Variants in IRAG2 observed in about 807,000 individuals in gnomAD.
The protein encoded by IRAG2 is lymphoid restricted membrane protein.
IRAG2 carries 45 observed loss-of-function variants against 69.9 expected under a neutral mutation model. That is an observed-to-expected ratio of 0.64 (90% CI 0.51 to 0.83). The LOEUF (loss-of-function observed/expected upper bound fraction) is 0.83, where lower values mean the gene tolerates loss of function less well. Among genes scored for constraint, IRAG2 ranks in the 40% least tolerant of loss-of-function variants. The probability of loss-of-function intolerance (pLI) is 0.00; values close to 1 mark genes in which losing one functional copy is unlikely to be tolerated. For missense variants in IRAG2, 520 were observed against 587.0 expected (o/e 0.89, Z 1.18); for synonymous variants, 193 against 202.4 (o/e 0.95, Z 0.40).
upstream of IRAG2, among the ~76,000 whole-genome samples, chr12:25,050,532 AAAAC>A (rs371371938): frequency 9.3e-4 from 46 of 49,644 alleles, 1 homozygote; most frequent in African/African-American, 1.4e-3. Context: ...CGTCTCAAAA[AAAAC>A]AAACAAACAA....
exon 1 of IRAG2, chr12:25,004,640 C>T: frequency 8.1e-7 from 1 of 1,232,150 alleles, no homozygotes; most frequent in Non-Finnish European, 1.0e-6. Flanking sequence ...CCATCCACCT[C>T]TCACCTCAGC....
chr12:25,071,622 GT>G, intron 6 of IRAG2, among the ~76,000 whole-genome samples: 1 of 152,314 alleles, frequency 6.6e-6, no homozygotes, highest in South Asian at 2.1e-4. Context: ...GGCAACTGAA[GT>G]TGAGGGAGTT....
intron 17 of IRAG2, chr12:25,103,127 CTTAAA>C (rs1343146456): frequency 7.9e-5 from 12 of 152,148 alleles, no homozygotes; most frequent in Admixed American, 7.9e-4. Context: ...ATGGAACCCC[CTTAAA>C]TTAGTTTATT....
chr12:25,032,364 C>T lies in IRAG2; in HGVS notation c.1638C>T (p.Leu546=), dbSNP rs567303554. The T allele has an allele frequency of 6.1e-4, 243 of 399,082 alleles. 2 individuals are homozygous for T. The highest frequency in any genetic ancestry group is 1.4e-4 in the Non-Finnish European group (31 of 226,066). 24.7% of individuals were successfully genotyped at this position (399,082 alleles called of 1,614,324 possible). Residue 546 remains leucine, a synonymous_variant, in exon 12 of 39, where the codon CTC becomes CTT. Transcript: ENST00000636465. ...AGTTACAGCACTTGCAACAGGCACT[C>T]ATCACGTAAGTAGAGGGCAACCCTT...
At chr12:25,072,033 A>G (rs1426605178) in intron 6 of IRAG2, among the ~76,000 whole-genome samples, 1 of 151,856 alleles carries the variant, frequency 6.6e-6, no homozygotes, top group East Asian at 1.9e-4. Flanking sequence ...GTGAAACCCA[A>G]TTTCTACTAA....
chr12:25,013,533 G>C (rs995312644), intron 3 of IRAG2, among the ~76,000 whole-genome samples: 1 of 152,070 alleles, frequency 6.6e-6, no homozygotes, highest in African/African-American at 2.4e-5. Context: ...GTAACTTTAA[G>C]AAAGATAAGA....
At chr12:25,063,553 AC>A (rs1945775022) in intron 3 of IRAG2, among the ~76,000 whole-genome samples, 166 bp from the exon 4 acceptor site, 1 of 152,250 alleles carries the variant, frequency 6.6e-6, no homozygotes, top group Admixed American at 6.5e-5. Context: ...TTTTGATCAA[AC>A]ACTTGAAAGC....
At position 25,079,437 on chromosome 12, in the gene IRAG2, G is replaced by A. The variant is rs767702538; in HGVS notation, c.111G>A (p.Ser37=). The part of the protein sequence containing the change: ...SSLPLPRHTS[S]TDGTITSSDP... Reference sequence around the variant, plus strand: ...TACCATTACCCAGACACACTTCATCGACAGACGGTACTATAACTTCAAGTG... The same window carrying A: ...TACCATTACCCAGACACACTTCATCAACAGACGGTACTATAACTTCAAGTG... The change falls in exon 8 of 22, where the codon TCG becomes TCA. Residue 37 remains serine, a synonymous_variant. Coordinates refer to ENST00000556887, the MANE Select transcript of IRAG2 (RefSeq NM_001366544.2). The A allele has an allele frequency of 1.5e-5, 24 of 1,613,310 alleles. No homozygotes were observed. The highest frequency in any genetic ancestry group is 1.6e-4 in the Middle Eastern group (1 of 6,078).
upstream of IRAG2, among the ~76,000 whole-genome samples, chr12:25,048,989 G>A (rs547831058): frequency 5.3e-5 from 8 of 152,312 alleles, no homozygotes; most frequent in African/African-American, 1.7e-4. Context: ...TAGCTAGCCA[G>A]TTCTCCCAGC....
rs76843994 is a variant in IRAG2, at chr12:25,020,981, G to A, written c.1332+74G>A. The A allele has an allele frequency of 7.4e-3, 5,251 of 705,122 alleles. 242 individuals carry two copies. The African/African-American group carries it at 0.087, about 12-fold the overall frequency. The allele number at this position is 705,122 out of a possible 1,614,324, so 43.7% of individuals were successfully genotyped here. On this transcript the variant is annotated intron_variant, in intron 7 of 38. Coordinates refer to the IRAG2 transcript ENST00000636465. Reference sequence around the variant, plus strand: ...CTGAAATATACAAGAGGACTTATCCGGTGGAACATCAGAAGTCAATATCCT... The same window carrying A: ...CTGAAATATACAAGAGGACTTATCCAGTGGAACATCAGAAGTCAATATCCT...
intron 15 of IRAG2, 49 bp from the exon 16 acceptor site, chr12:25,101,129 T>G (rs1266700377): frequency 6.0e-6 from 9 of 1,506,142 alleles, no homozygotes; most frequent in Non-Finnish European, 8.1e-6. Flanking sequence ...CATCTTTTAA[T>G]TGAGAGTAGT....
chr12:25,023,351 C>T (rs1944597780), intron 7 of IRAG2, among the ~76,000 whole-genome samples: 1 of 151,836 alleles, frequency 6.6e-6, no homozygotes, highest in Non-Finnish European at 1.5e-5. Context: ...CTTAACCTAC[C>T]CTTGAAATTT....
At chr12:24,998,061 C>G in the IRAG2 span, among the ~76,000 whole-genome samples, 1 of 152,206 alleles carries the variant, frequency 6.6e-6, no homozygotes, top group Non-Finnish European at 1.5e-5. Context: ...TTGGAGGCAC[C>G]TGAATTCTTG....
chr12:24,999,297 A>G, the IRAG2 span, among the ~76,000 whole-genome samples: 1 of 152,256 alleles, frequency 6.6e-6, no homozygotes, highest in African/African-American at 2.4e-5. Context: ...AACTTTAGGT[A>G]AGAATCAAAT....
chr12:25,009,805 GA>G (rs11340438), intron 2 of IRAG2, among the ~76,000 whole-genome samples: 104,836 of 149,800 alleles, frequency 0.7, 36,881 homozygotes, highest in Admixed American at 0.77. Context: ...CTAGAAGCAG[GA>G]AAAAAAAAAA....
At position 25,104,349 on chromosome 12, in the gene IRAG2, A is replaced by G. The variant is rs1948918996; in HGVS notation, c.1047-12A>G. 2 of 1,547,498 alleles carry G rather than the reference A, an allele frequency of 1.3e-6. No homozygotes were observed. The highest frequency in any genetic ancestry group is 1.7e-5 in the Admixed American group (1 of 59,932). ...TTTGATTTGACAAGTGGCTATAATC[A>G]TCTTTATTTAGGCGTATTTTGGGGT... On this transcript the variant is annotated splice_polypyrimidine_tract_variant and intron_variant, in intron 19 of 21. Coordinates refer to ENST00000556887, the MANE Select transcript of IRAG2 (RefSeq NM_001366544.2).
chr12:25,006,727 G>A (rs540146599), intron 2 of IRAG2, among the ~76,000 whole-genome samples: 19 of 152,278 alleles, frequency 1.2e-4, no homozygotes, highest in African/African-American at 4.6e-4. Context: ...ACTTGAGCAG[G>A]GAGGCATGGG....
chr12:25,084,395 G>GA (rs978187471), intron 10 of IRAG2, among the ~76,000 whole-genome samples: 14 of 149,994 alleles, frequency 9.3e-5, no homozygotes, highest in Non-Finnish European at 1.9e-4. Flanking sequence ...GTCTCAAAAA[G>GA]AAAAAAAAGA....
intron 11 of IRAG2, among the ~76,000 whole-genome samples, 156 bp from the exon 12 acceptor site, chr12:25,089,458 A>G (rs546669001): frequency 6.6e-6 from 1 of 152,386 alleles, no homozygotes; most frequent in South Asian, 2.1e-4. Context: ...AGCTTAGCAT[A>G]ACATTATAAT....
Sources: gnomAD v4.1 joint callset for allele counts (sites outside exome capture counted in the v4.1 genomes callset) on GRCh38, gnomAD v4.1.1 for gene constraint, MANE v1.5 for transcripts, NCBI Gene and HGNC (gene_info 2026-07-23, HGNC 2026-07-21) for gene names.